Variants in SORCS3 observed in about 807,000 individuals in gnomAD.
SORCS3 encodes VPS10 domain-containing receptor SorCS3.
SORCS3 carries 57 observed loss-of-function variants against 146.3 expected under a neutral mutation model. The ratio of observed to expected loss-of-function variants is 0.39; its 90% CI spans 0.31 to 0.49. The LOEUF is 0.49. SORCS3 is among the 20% of genes least tolerant of loss of function. The pLI, the probability that SORCS3 is intolerant of heterozygous loss-of-function variation, is 0.92. For missense variants in SORCS3, 1,341 were observed against 1,575.5 expected (o/e 0.85, Z 2.52); for synonymous variants, 653 against 618.5 (o/e 1.06, Z -0.83).
At chr10:105,042,789 C>T (rs1462509717) in intron 4 of SORCS3, among the ~76,000 whole-genome samples, 2 of 152,122 alleles carry the variant, frequency 1.3e-5, no homozygotes, top group African/African-American at 4.8e-5. Flanking sequence ...TTCTTGTCTA[C>T]ATGACAATGG....
chr10:104,653,928 T>G (rs2015593537), intron 1 of SORCS3, among the ~76,000 whole-genome samples: 1 of 152,190 alleles, frequency 6.6e-6, no homozygotes, highest in African/African-American at 2.4e-5. Context: ...TTGTACCCAT[T>G]AATAATCCCC....
chr10:104,993,908 A>C (rs2055009000), intron 4 of SORCS3, among the ~76,000 whole-genome samples: 1 of 152,242 alleles, frequency 6.6e-6, no homozygotes, highest in Non-Finnish European at 1.5e-5. Context: ...CTTACTACTC[A>C]ATAGCAGAGT....
At chr10:104,696,052 A>G (rs1362672233) in intron 1 of SORCS3, among the ~76,000 whole-genome samples, 1 of 126,162 alleles carries the variant, frequency 7.9e-6, no homozygotes, top group East Asian at 2.2e-4. Context: ...TATATATCAT[A>G]TACACATATT....
intron 5 of SORCS3, among the ~76,000 whole-genome samples, chr10:105,050,517 T>A (rs1344121631): frequency 6.6e-6 from 1 of 152,076 alleles, no homozygotes; most frequent in Admixed American, 6.6e-5. Flanking sequence ...ATGAATCCTA[T>A]CAGCAGTCAC....
chr10:104,905,081 G>T (rs1165766329), intron 2 of SORCS3, among the ~76,000 whole-genome samples: 1 of 152,140 alleles, frequency 6.6e-6, no homozygotes, highest in African/African-American at 2.4e-5. Flanking sequence ...TACTGAGATT[G>T]TTTTTCATGC....
In SORCS3 at chr10:105,157,267, C is replaced by G. The variant is rs554788934; in HGVS notation, c.1612C>G (p.Pro538Ala). 1 of 1,613,954 alleles carries G rather than the reference C, an allele frequency of 6.2e-7. No individual in the cohort carries two copies. The highest frequency in any genetic ancestry group is 1.3e-5 in the African/African-American group (1 of 75,040). The part of the protein sequence containing the change: ...QAPDVDLRGS[P>A]VHCLLPFCSL... ...TCCGGATGTGGACCTGAGAGGAAGC[C>G]CAGTGCACTGCCTGCTGGTCAGTCA... Residue 538 changes from proline to alanine, a missense_variant, in exon 10 of 27, where the codon CCA becomes GCA. Coordinates refer to ENST00000369701, the MANE Select transcript of SORCS3 (RefSeq NM_014978.3).
At chr10:105,166,163 G>T (rs964456881) in intron 12 of SORCS3, among the ~76,000 whole-genome samples, 4 of 152,102 alleles carry the variant, frequency 2.6e-5, no homozygotes, top group Non-Finnish European at 4.4e-5. Flanking sequence ...TAAAAAAAGA[G>T]GTTTAGGACT....
At chr10:105,142,158 T>C (rs968534076) in intron 8 of SORCS3, among the ~76,000 whole-genome samples, 1 of 152,202 alleles carries the variant, frequency 6.6e-6, no homozygotes, top group Non-Finnish European at 1.5e-5. Context: ...ATTCTGGATT[T>C]ATTCTTAACT....
rs1416511755 is a variant in SORCS3, at chr10:104,977,502, A to G, written c.954+9A>G. 1 of 1,590,384 alleles carries G rather than the reference A, an allele frequency of 6.3e-7. No homozygotes were observed. The highest frequency in any genetic ancestry group is 8.5e-7 in the Non-Finnish European group (1 of 1,169,744). ...ACAGTTTGGATCAAAAGGTGAATAAATACTATTTTCATTTACTTCTTGTCA... is the reference window on the plus strand; with the variant it reads ...ACAGTTTGGATCAAAAGGTGAATAAGTACTATTTTCATTTACTTCTTGTCA... On this transcript the variant is annotated intron_variant, in intron 4 of 26. Transcript: ENST00000369701.
chr10:104,725,492 C>T (rs190447356), intron 1 of SORCS3, among the ~76,000 whole-genome samples: 3 of 152,342 alleles, frequency 2.0e-5, no homozygotes, highest in Admixed American at 2.0e-4. Context: ...TACCACTACT[C>T]TCTTCAAAGC....
intron 4 of SORCS3, among the ~76,000 whole-genome samples, chr10:104,991,444 GTCTTTCCTCTACGTGA>G (rs1434907771): frequency 6.6e-6 from 1 of 150,910 alleles, no homozygotes; most frequent in African/African-American, 2.4e-5. Flanking sequence ...CTCTATGTTT[GTCTTTCCTCTACGTGA>G]TCTTTCCTCT....
chr10:104,689,163 T>A (rs1003414379), intron 1 of SORCS3, among the ~76,000 whole-genome samples: 9 of 152,180 alleles, frequency 5.9e-5, no homozygotes, highest in African/African-American at 2.2e-4. Context: ...GAGCTCCAGG[T>A]AAATAAAACT....
intron 1 of SORCS3, among the ~76,000 whole-genome samples, chr10:104,769,346 C>T (rs112200135): frequency 2.6e-5 from 4 of 152,316 alleles, no homozygotes; most frequent in East Asian, 1.9e-4. Flanking sequence ...GCTGTGCCCA[C>T]GGAGGTGTTG....
intron 20 of SORCS3, among the ~76,000 whole-genome samples, chr10:105,242,723 C>CATTTATATAT (rs2056840031): frequency 1.2e-5 from 1 of 86,868 alleles, no homozygotes; most frequent in Non-Finnish European, 2.0e-5. Flanking sequence ...TATTTATATA[C>CATTTATATAT]ATTTATATAT....
intron 3 of SORCS3, among the ~76,000 whole-genome samples, chr10:104,972,838 A>G (rs1265703611): frequency 6.6e-6 from 1 of 152,180 alleles, no homozygotes; most frequent in Non-Finnish European, 1.5e-5. Context: ...GGTTTGTCAT[A>G]GATAGCTCTT....
intron 23 of SORCS3, among the ~76,000 whole-genome samples, chr10:105,253,687 G>A (rs2056913929): frequency 6.6e-6 from 1 of 152,162 alleles, no homozygotes; most frequent in Non-Finnish European, 1.5e-5. Context: ...TCTCATATGA[G>A]GTAATCATTG....
intron 14 of SORCS3, among the ~76,000 whole-genome samples, chr10:105,198,310 CT>C (rs2056555313): frequency 1.3e-5 from 2 of 152,200 alleles, no homozygotes; most frequent in South Asian, 4.1e-4. Context: ...GGAAGACTTA[CT>C]GCTGGAAGTG....
intron 3 of SORCS3, among the ~76,000 whole-genome samples, chr10:104,935,685 G>A (rs1164376295): frequency 6.6e-5 from 10 of 151,966 alleles, no homozygotes; most frequent in Admixed American, 6.6e-4. Flanking sequence ...AAGCTCAGAA[G>A]GAAGCTATAT....
At chr10:105,001,707 A>G (rs907668622) in intron 4 of SORCS3, among the ~76,000 whole-genome samples, 1 of 152,212 alleles carries the variant, frequency 6.6e-6, no homozygotes, top group African/African-American at 2.4e-5. Context: ...TGACAGGTCA[A>G]TTAAAAGAAG....
Sources: gnomAD v4.1 joint callset for allele counts (sites outside exome capture counted in the v4.1 genomes callset) on GRCh38, gnomAD v4.1.1 for gene constraint, MANE v1.5 for transcripts, NCBI Gene and HGNC (gene_info 2026-07-23, HGNC 2026-07-21) for gene names.